TEX30: variants seen among roughly 807,000 people sequenced by gnomAD.
The protein encoded by TEX30 is testis-expressed protein 30.
A neutral mutation model predicts 23.8 loss-of-function variants in TEX30; 14 were observed. That is an observed-to-expected ratio of 0.59 (90% CI 0.39 to 0.92). TEX30 has a LOEUF of 0.92. TEX30 is among the 40% of genes least tolerant of loss of function. The pLI, the probability that TEX30 is intolerant of heterozygous loss-of-function variation, is 0.00. For synonymous variants in TEX30, 78 were observed against 90.2 expected, an observed-to-expected ratio of 0.87 and a Z score of 0.76; for missense variants, 246 against 270.6, an observed-to-expected ratio of 0.91 and a Z score of 0.64.
At position 102,766,354 on chromosome 13, in the gene TEX30, CTTT is replaced by C; in HGVS notation, c.*44_*46del. 6.6e-7 allele frequency: 1 copy of C among 1,506,236 alleles called. No individual in the cohort carries two copies. Among genetic ancestry groups the C allele is most frequent in the Non-Finnish European group, 9.1e-7 (1 of 1,098,202 alleles). The allele number at this position is 1,506,236 out of a possible 1,614,324, so 93.3% of individuals were successfully genotyped here. The stretch of plus-strand genomic sequence containing the variant: ...TCACAATGCTGAGAGGCATACTCTT[CTTT>C]ATCAAATTAACTGTATGTGTACTCA... On this transcript the variant is annotated 3_prime_UTR_variant, in exon 6 of 6. Coordinates refer to ENST00000376032, the MANE Select transcript of TEX30 (RefSeq NM_138779.5).
intron 4 of TEX30, among the ~76,000 whole-genome samples, chr13:102,767,984 A>G (rs1377078080): frequency 6.6e-6 from 1 of 152,198 alleles, no homozygotes; most frequent in Non-Finnish European, 1.5e-5. Context: ...AGAACACTTA[A>G]AAGGACAAGG....
At chr13:102,769,717 G>C in intron 2 of TEX30, 176 bp from the exon 3 acceptor site, 1 of 560,380 alleles carries the variant, frequency 1.8e-6, no homozygotes, top group Non-Finnish European at 3.1e-6. Context: ...ATTATTATAA[G>C]TGCTTTATAT....
At chr13:102,771,406 CGT>C (rs1491089650) in intron 1 of TEX30, among the ~76,000 whole-genome samples, 1 of 152,156 alleles carries the variant, frequency 6.6e-6, no homozygotes, top group African/African-American at 2.4e-5. Flanking sequence ...GAATAGGTAT[CGT>C]GTGTACATGG....
At chr13:102,771,135 C>T (rs1282538269) in intron 1 of TEX30, among the ~76,000 whole-genome samples, 1 of 120,110 alleles carries the variant, frequency 8.3e-6, no homozygotes, top group Admixed American at 8.4e-5. Flanking sequence ...CCACATAGCA[C>T]TGTACTTATT....
Position 102,766,359 on chromosome 13 carries a change from T to C in TEX30, c.*42A>G. The C allele has an allele frequency of 6.6e-7, 1 of 1,522,918 alleles. No individual in the cohort carries two copies. The highest frequency in any genetic ancestry group is 9.0e-7 in the Non-Finnish European group (1 of 1,111,184). The allele number at this position is 1,522,918 out of a possible 1,614,324, so 94.3% of individuals were successfully genotyped here. ...ATGCTGAGAGGCATACTCTTCTTTA[T>C]CAAATTAACTGTATGTGTACTCAAG... On this transcript the variant is annotated 3_prime_UTR_variant, in exon 6 of 6. Coordinates refer to ENST00000376032, the MANE Select transcript of TEX30 (RefSeq NM_138779.5).
chr13:102,767,209 T>C, intron 5 of TEX30, 64 bp downstream of exon 5: 1 of 1,525,948 alleles, frequency 6.6e-7, no homozygotes, highest in African/African-American at 1.4e-5. Flanking sequence ...AGAAGTATCT[T>C]GCTCCCAAGA....
At chr13:102,768,207 T>C in intron 4 of TEX30, 53 bp downstream of exon 4, 5 of 1,388,150 alleles carry the variant, frequency 3.6e-6, no homozygotes, top group Non-Finnish European at 5.0e-6. Context: ...CTCCATTACC[T>C]ATTCCTATAT....
Position 102,765,946 on chromosome 13 carries a change from A to AT in TEX30, c.*454dup, listed in dbSNP as rs1360217561. Reference sequence around the variant, plus strand: ...TCTTCAGGGTCCCCATATTTGAAACATATGTCCACTCCTATCCTTTCATTG... The same window carrying AT: ...TCTTCAGGGTCCCCATATTTGAAACATTATGTCCACTCCTATCCTTTCATTG... On this transcript the variant is annotated 3_prime_UTR_variant, in exon 6 of 6. Coordinates refer to ENST00000376032, the MANE Select transcript of TEX30 (RefSeq NM_138779.5). 6.6e-6 allele frequency: 1 copy of AT among 152,148 alleles called. No homozygotes were observed. The highest frequency in any genetic ancestry group is 1.5e-5 in the Non-Finnish European group (1 of 68,132). 9.4% of individuals were successfully genotyped at this position (152,148 alleles called of 1,614,324 possible).
At chr13:102,768,590 T>C (rs1877079580) in intron 3 of TEX30, among the ~76,000 whole-genome samples, 1 of 152,228 alleles carries the variant, frequency 6.6e-6, no homozygotes, top group Non-Finnish European at 1.5e-5. Flanking sequence ...TTTTAGAGAA[T>C]TATTTTTTAA....
At chr13:102,769,838 C>T (rs573837891) in intron 2 of TEX30, 174 bp downstream of exon 2, 10 of 547,426 alleles carry the variant, frequency 1.8e-5, no homozygotes, top group South Asian at 7.9e-5. Context: ...GTTATATAGC[C>T]GCTAGCTAGG....
chr13:102,769,319 A>G lies in TEX30; in HGVS notation c.238T>C (p.Ser80Pro). Residue 80 changes from serine to proline, a missense_variant, in exon 3 of 6, where the codon TCA becomes CCA. Physicochemically the swap from Ser to Pro is moderately conservative, Grantham distance 74 (BLOSUM62 -1). Transcript: ENST00000376032. ...TAAAGAAATTTTCTTACCAAAACTG[A>G]TTTATACGCCTTAATTCTATGTACA... is the stretch of plus-strand genomic sequence containing the variant. ...NIVHRIKAYK[S>P]VLNYLKTSGE... The G allele has an allele frequency of 6.6e-7, 1 of 1,525,936 alleles. No homozygotes were observed. The allele number at this position is 1,525,936 out of a possible 1,614,324, so 94.5% of individuals were successfully genotyped here.
At chr13:102,771,143 A>C (rs537833444) in intron 1 of TEX30, among the ~76,000 whole-genome samples, 6 of 72,698 alleles carry the variant, frequency 8.3e-5, no homozygotes, top group Non-Finnish European at 1.8e-4. Context: ...CACTGTACTT[A>C]TTTTCACACG....
Position 102,767,351 on chromosome 13 carries a change from T to G in TEX30, c.426A>C (p.Lys142Asn). The G allele has an allele frequency of 6.2e-7, 1 of 1,614,088 alleles. No homozygotes were observed. Among genetic ancestry groups the G allele is most frequent in the Admixed American group, 1.7e-5 (1 of 60,012 alleles). The change falls in exon 5 of 6, where the codon AAA (lysine) becomes AAC (asparagine). Residue 142 changes from lysine to asparagine, a missense_variant. Physicochemically the swap from Lys to Asn is moderately conservative, Grantham distance 94 (BLOSUM62 0). Coordinates refer to ENST00000376032, the MANE Select transcript of TEX30 (RefSeq NM_138779.5). The stretch of plus-strand genomic sequence containing the variant: ...AACGAAAGAGGTCTTCATCTCTGAG[T>G]TTATGCTGCTGCTTTGGATGGTGCA... ...YPLHHPKQQH[K>N]LRDEDLFRLK...
Position 102,769,189 on chromosome 13 carries a change from TAAG to T in TEX30, c.246+119_246+121del, listed in dbSNP as rs199692479. 725 of 698,912 alleles carry T rather than the reference TAAG, an allele frequency of 1.0e-3. 6 individuals are homozygous for T. The African/African-American group carries it at 0.012, about 12-fold the overall frequency. The allele number at this position is 698,912 out of a possible 1,614,324, so 43.3% of individuals were successfully genotyped here. A position where few individuals can be genotyped will look rare whatever the true frequency, so the allele number is the denominator to read the frequency against. ...AGCTTTCATGTACTGCTGAGTTTTC[TAAG>T]AATACACTCATTCAAAGATTTTTTA... is the stretch of plus-strand genomic sequence containing the variant. On this transcript the variant is annotated intron_variant, in intron 3 of 5. Coordinates refer to ENST00000376032, the MANE Select transcript of TEX30 (RefSeq NM_138779.5).
intron 1 of TEX30, among the ~76,000 whole-genome samples, chr13:102,771,129 A>G (rs1456335837): frequency 6.9e-6 from 1 of 144,364 alleles, no homozygotes; most frequent in Non-Finnish European, 1.5e-5. Context: ...ATCCTTCCAC[A>G]TAGCACTGTA....
chr13:102,767,601 A>G lies in TEX30; in HGVS notation c.299-123T>C, dbSNP rs145087644. 276 of 1,039,948 alleles carry G rather than the reference A, an allele frequency of 2.7e-4. 1 individual carries two copies. The highest frequency in any genetic ancestry group is 2.4e-3 in the African/African-American group (152 of 62,562). 64.4% of individuals were successfully genotyped at this position (1,039,948 alleles called of 1,614,324 possible). ...TCTGTTTACCAACAAATTAACTCCA[A>G]AAGGCAGCAATTAACAAGTTGCAAT... is the stretch of plus-strand genomic sequence containing the variant. On this transcript the variant is annotated intron_variant, in intron 4 of 5. Transcript: ENST00000376032.
In TEX30 at chr13:102,768,311, T is replaced by A. The variant is rs760957239; in HGVS notation, c.247A>T (p.Asn83Tyr). The A allele has an allele frequency of 1.1e-5, 17 of 1,582,706 alleles. No individual in the cohort carries two copies. Among genetic ancestry groups the A allele is most frequent in the South Asian group, 1.0e-4 (9 of 87,316 alleles). ...HRIKAYKSVL[N>Y]YLKTSGEYKL... is the part of the protein sequence containing the mutation. ...TATTCTCCTGATGTCTTCAGGTAAT[T>A]CTAGAAAAATAAAAAAATCATCAGT... The change falls in exon 4 of 6, where the codon AAT becomes TAT. Residue 83 changes from asparagine (N) to tyrosine (Y), a missense_variant and splice_region_variant. Asn to Tyr is a moderately radical substitution (Grantham distance 143). Transcript: ENST00000376032.
At chr13:102,767,172 T>C (rs1418825990) in intron 5 of TEX30, 101 bp downstream of exon 5, 9 of 1,224,162 alleles carry the variant, frequency 7.4e-6, no homozygotes, top group Admixed American at 2.2e-5. Context: ...TTAGTCAAAT[T>C]AGCAATTTTT....
At chr13:102,770,154 A>T (rs1487910844) in intron 1 of TEX30, 68 bp from the exon 2 acceptor site, 3 of 497,664 alleles carry the variant, frequency 6.0e-6, no homozygotes, top group Non-Finnish European at 6.6e-6. Flanking sequence ...ACTATGAATG[A>T]ACACATTCAG....
Sources: allele counts gnomAD v4.1 joint callset (sites outside exome capture counted in the v4.1 genomes callset), GRCh38; gene constraint gnomAD v4.1.1; transcripts MANE v1.5; gene names NCBI Gene and HGNC (gene_info 2026-07-23, HGNC 2026-07-21).